TNR: variants seen among roughly 807,000 people sequenced by gnomAD.
The protein encoded by TNR is tenascin-R.
TNR carries 45 observed loss-of-function variants against 150.4 expected under a neutral mutation model. The observed-to-expected ratio is 0.30, with a 90% CI of 0.24 to 0.38. The LOEUF (loss-of-function observed/expected upper bound fraction) is 0.38. Ranked by LOEUF, TNR falls within the 10% of genes least tolerant of loss-of-function variation. The pLI, the probability that TNR is intolerant of heterozygous loss-of-function variation, is 1.00. For synonymous variants in TNR, 687 were observed against 678.4 expected (o/e 1.01, Z -0.20); for missense variants, 1,544 against 1,759.1 (o/e 0.88, Z 2.19).
intron 1 of TNR, among the ~76,000 whole-genome samples, chr1:175,717,287 G>A (rs577381365): frequency 6.6e-6 from 1 of 152,290 alleles, no homozygotes; most frequent in South Asian, 2.1e-4. Flanking sequence ...TTCTAGTAGA[G>A]TAGGGAGGGA....
chr1:175,641,211 G>A (rs1485287096), intron 1 of TNR, among the ~76,000 whole-genome samples: 1 of 151,962 alleles, frequency 6.6e-6, no homozygotes, highest in Non-Finnish European at 1.5e-5. Context: ...TTATACCCTG[G>A]GGTCATACAT....
At chr1:175,529,599 A>G (rs1659985478) in intron 1 of TNR, among the ~76,000 whole-genome samples, 1 of 152,184 alleles carries the variant, frequency 6.6e-6, no homozygotes, top group Non-Finnish European at 1.5e-5. Context: ...TTTCTCTTCC[A>G]ATTCTAATCT....
chr1:175,331,049 C>CT (rs373781031), intron 20 of TNR, among the ~76,000 whole-genome samples: 24 of 103,228 alleles, frequency 2.3e-4, no homozygotes, highest in African/African-American at 8.9e-4. Context: ...TTCTTTCTTT[C>CT]TTTCTTTCTT....
At chr1:175,395,428 A>G (rs1653382600) in intron 5 of TNR, among the ~76,000 whole-genome samples, 1 of 152,170 alleles carries the variant, frequency 6.6e-6, no homozygotes, top group African/African-American at 2.4e-5. Flanking sequence ...TCTGAATTCT[A>G]GAGGGCTTAT....
intron 17 of TNR, among the ~76,000 whole-genome samples, 156 bp from the exon 18 acceptor site, chr1:175,354,679 A>G (rs1447508967): frequency 6.6e-6 from 1 of 152,240 alleles, no homozygotes; most frequent in Non-Finnish European, 1.5e-5. Context: ...TACTGCACCA[A>G]TAAGCAGAGA....
intron 1 of TNR, among the ~76,000 whole-genome samples, chr1:175,691,342 G>C (rs1378601957): frequency 6.6e-6 from 1 of 152,092 alleles, no homozygotes; most frequent in African/African-American, 2.4e-5. Flanking sequence ...GAGGAAGGTA[G>C]TAGTAGTAAC....
At chr1:175,469,787 C>A (rs971101690) in intron 2 of TNR, among the ~76,000 whole-genome samples, 1 of 151,862 alleles carries the variant, frequency 6.6e-6, no homozygotes, top group Non-Finnish European at 1.5e-5. Flanking sequence ...GGGTTTTGGG[C>A]CAATTTCTTT....
intron 1 of TNR, among the ~76,000 whole-genome samples, chr1:175,586,818 A>C (rs1174386600): frequency 6.6e-6 from 1 of 152,204 alleles, no homozygotes; most frequent in Non-Finnish European, 1.5e-5. Flanking sequence ...GATGGGATAA[A>C]TCTTATGGCT....
intron 2 of TNR, among the ~76,000 whole-genome samples, chr1:175,525,720 T>G (rs1659822311): frequency 6.6e-6 from 1 of 152,172 alleles, no homozygotes; most frequent in Admixed American, 6.5e-5. Context: ...CCCACCTGAG[T>G]GCTAATGCTC....
At chr1:175,557,366 C>A (rs1319391236) in intron 1 of TNR, among the ~76,000 whole-genome samples, 1 of 152,166 alleles carries the variant, frequency 6.6e-6, no homozygotes, top group Non-Finnish European at 1.5e-5. Flanking sequence ...AATAAATAAC[C>A]AATATACATC....
chr1:175,483,622 G>A (rs1248032977), intron 2 of TNR, among the ~76,000 whole-genome samples: 1 of 152,222 alleles, frequency 6.6e-6, no homozygotes, highest in African/African-American at 2.4e-5. Context: ...GAGACACTGA[G>A]CGATTCCATG....
intron 1 of TNR, among the ~76,000 whole-genome samples, chr1:175,674,176 G>A (rs1424107541): frequency 6.6e-6 from 1 of 152,198 alleles, no homozygotes; most frequent in African/African-American, 2.4e-5. Context: ...AGATGCAAAG[G>A]GAGGAGTCCT....
In TNR at chr1:175,500,163, C is replaced by T. The variant is rs540972063; in HGVS notation, c.-64+28106G>A. 1.2e-4 allele frequency among the ~76,000 whole-genome samples: 19 copies of T among 152,240 alleles called. No homozygotes were observed. The South Asian group carries it at 1.7e-3, about 13-fold the overall frequency. On this transcript the variant is annotated intron_variant, in intron 2 of 22. Transcript: ENST00000367674. ...GGCTGACTTTTCACCACCTGGGGGACGTGAATGAGTCACTACTTCCAGGAG... is the reference window on the plus strand; with the variant it reads ...GGCTGACTTTTCACCACCTGGGGGATGTGAATGAGTCACTACTTCCAGGAG...
intron 1 of TNR, among the ~76,000 whole-genome samples, chr1:175,740,427 AT>A (rs139523767): frequency 9.5e-4 from 141 of 148,068 alleles, no homozygotes; most frequent in African/African-American, 3.2e-3. Flanking sequence ...ATTATATGTC[AT>A]TTTTTTCAAC....
chr1:175,385,861 C>T (rs1288476127), intron 8 of TNR, among the ~76,000 whole-genome samples, 171 bp downstream of exon 8: 1 of 152,186 alleles, frequency 6.6e-6, no homozygotes, highest in Non-Finnish European at 1.5e-5. Flanking sequence ...GGGAGCGCTG[C>T]TTTTCCTGTA....
chr1:175,670,800 G>A, intron 1 of TNR, among the ~76,000 whole-genome samples: 1 of 151,636 alleles, frequency 6.6e-6, no homozygotes, highest in East Asian at 1.9e-4. Flanking sequence ...TAAAAATGTG[G>A]AAGAGGTCAA....
intron 2 of TNR, among the ~76,000 whole-genome samples, chr1:175,506,983 G>A (rs1161443267): frequency 1.1e-4 from 17 of 152,178 alleles, no homozygotes; most frequent in Admixed American, 7.9e-4. Context: ...GCAGGGGTGC[G>A]TGTCACAACA....
chr1:175,738,738 C>G (rs560814716), intron 1 of TNR, among the ~76,000 whole-genome samples: 2 of 152,190 alleles, frequency 1.3e-5, no homozygotes, highest in Non-Finnish European at 2.9e-5. Context: ...TTTACCAATA[C>G]AGTCGTAATT....
chr1:175,482,906 T>A (rs1424270305), intron 2 of TNR, among the ~76,000 whole-genome samples: 1 of 152,176 alleles, frequency 6.6e-6, no homozygotes, highest in Non-Finnish European at 1.5e-5. Context: ...CCTCACCCAA[T>A]GGAAACCTCA....
Sources: gnomAD v4.1 joint callset for allele counts (sites outside exome capture counted in the v4.1 genomes callset) on GRCh38, gnomAD v4.1.1 for gene constraint, MANE v1.5 for transcripts, NCBI Gene and HGNC (gene_info 2026-07-23, HGNC 2026-07-21) for gene names.